PIKFYVE: variants seen among roughly 807,000 people sequenced by gnomAD.
The protein encoded by PIKFYVE is phosphoinositide kinase, FYVE-type zinc finger containing.
In PIKFYVE, 122 loss-of-function variants were observed where a neutral mutation model predicts 257.9. The observed-to-expected ratio is 0.47, with a 90% CI of 0.41 to 0.55. PIKFYVE has a LOEUF of 0.55. PIKFYVE is among the 20% of genes least tolerant of loss of function. The pLI is 0.00. For synonymous variants in PIKFYVE, 892 were observed against 868.9 expected, an observed-to-expected ratio of 1.03 and a Z score of -0.47; for missense variants, 2,160 against 2,536.6, an observed-to-expected ratio of 0.85 and a Z score of 3.19.
At position 208,326,184 on chromosome 2, in the gene PIKFYVE, A is replaced by G. The variant is rs963145126; in HGVS notation, c.3373A>G (p.Ile1125Val). ...GMNGSIQAKSIQVLPSHELVS... is the reference protein window; with the variant it reads ...GMNGSIQAKSVQVLPSHELVS... ...GAATGGAAGTATTCAGGCCAAGTCT[A>G]TTCAAGTCTTACCCTCACATGAGCT... is the stretch of plus-strand genomic sequence containing the variant. The change falls in exon 20 of 42, where the codon ATT (isoleucine) becomes GTT (valine). Residue 1125 changes from isoleucine to valine, a missense_variant. Physicochemically the swap from Ile to Val is conservative, Grantham distance 29 (BLOSUM62 3). Around this residue, in one of 12 missense-constraint regions of PIKFYVE, gnomAD observed 522 missense variants for 514.6 expected, o/e 1.01. Coordinates refer to ENST00000264380, the MANE Select transcript of PIKFYVE (RefSeq NM_015040.4). 10 of 1,610,936 alleles carry G rather than the reference A, an allele frequency of 6.2e-6. No individual in the cohort carries two copies. Among genetic ancestry groups the G allele is most frequent in the African/African-American group, 2.7e-5 (2 of 74,754 alleles).
intron 5 of PIKFYVE, among the ~76,000 whole-genome samples, chr2:208,279,224 T>C (rs1023237537): frequency 6.6e-6 from 1 of 152,208 alleles, no homozygotes; most frequent in Non-Finnish European, 1.5e-5. Context: ...TCTGTTCATG[T>C]CTTTTGCCCA....
chr2:208,346,469 C>A lies in PIKFYVE; in HGVS notation c.5209+322C>A, dbSNP rs532685690. Among the ~76,000 whole-genome samples, 20 of 152,156 alleles carry A rather than the reference C, an allele frequency of 1.3e-4. No individual in the cohort carries two copies. In the South Asian group the frequency reaches 1.5e-3, roughly 11 times the overall value. ...CTAAGATGCAAGATACGTTTTTTTCCTTTCTAGTTTTACAGTATTACTGGC... is the reference window on the plus strand; with the variant it reads ...CTAAGATGCAAGATACGTTTTTTTCATTTCTAGTTTTACAGTATTACTGGC... On this transcript the variant is annotated intron_variant, in intron 34 of 41. Coordinates refer to ENST00000264380, the MANE Select transcript of PIKFYVE (RefSeq NM_015040.4).
rs758500026 is a variant in PIKFYVE at position 208,304,968 on chromosome 2, C to A, written c.1591C>A (p.Pro531Thr). ...LDNVNFHIKK[P>T]SKYPHVPPHP... ...CAACGTGAACTTCCATATCAAGAAGCCCTCCAAGTACCCACATGTGCCCCC... is the reference window on the plus strand; with the variant it reads ...CAACGTGAACTTCCATATCAAGAAGACCTCCAAGTACCCACATGTGCCCCC... The change falls in exon 12 of 42, where the codon CCC becomes ACC. Residue 531 changes from proline (P) to threonine (T), a missense_variant. By Grantham distance (38) the Pro-to-Thr change is conservative. This residue lies in a region of PIKFYVE where 346 missense variants were observed against 365.6 expected (regional missense o/e 0.95). Coordinates refer to ENST00000264380, the MANE Select transcript of PIKFYVE (RefSeq NM_015040.4). 6.2e-7 allele frequency: 1 copy of A among 1,614,152 alleles called. No individual in the cohort carries two copies. The highest frequency in any genetic ancestry group is 1.1e-5 in the South Asian group (1 of 91,076).
chr2:208,324,188 G>A lies in PIKFYVE; in HGVS notation c.2237G>A (p.Arg746Gln), dbSNP rs1559126095. The change falls in exon 18 of 42, where the codon CGA becomes CAA. Residue 746 changes from arginine (R) to glutamine (Q), a missense_variant. By Grantham distance (43) the Arg-to-Gln change is conservative. Coordinates refer to ENST00000264380, the MANE Select transcript of PIKFYVE (RefSeq NM_015040.4). ...TATGTCCAGCGAATAGTTGATGTTC[G>A]ACCCACCTTGGTTCTTGTTGAGAAA... ...KNYVQRIVDV[R>Q]PTLVLVEKTV... is the part of the protein sequence containing the mutation. 2 of 1,613,774 alleles carry A rather than the reference G, an allele frequency of 1.2e-6. No homozygotes were observed. Among genetic ancestry groups the A allele is most frequent in the South Asian group, 2.2e-5 (2 of 91,074 alleles).
intron 12 of PIKFYVE, among the ~76,000 whole-genome samples, chr2:208,306,137 G>T (rs1193921173): frequency 6.6e-6 from 1 of 152,188 alleles, no homozygotes; most frequent in Non-Finnish European, 1.5e-5. Context: ...GTACTGAAGA[G>T]TTATAGTAAT....
intron 29 of PIKFYVE, among the ~76,000 whole-genome samples, chr2:208,339,102 A>G (rs904050308): frequency 3.3e-5 from 5 of 152,112 alleles, no homozygotes; most frequent in African/African-American, 1.2e-4. Context: ...GAGTGTCCTA[A>G]TTTCATTCTC....
chr2:208,285,557 A>C (rs1228000903), intron 5 of PIKFYVE, among the ~76,000 whole-genome samples, 169 bp from the exon 6 acceptor site: 1 of 152,202 alleles, frequency 6.6e-6, no homozygotes, highest in African/African-American at 2.4e-5. Context: ...AGAGCTAACA[A>C]AATTATTTCA....
Position 208,355,121 on chromosome 2 carries a change from T to C in PIKFYVE, c.6182-69T>C, listed in dbSNP as rs878916459. The C allele has an allele frequency of 1.6e-5, 19 of 1,155,680 alleles. No homozygotes were observed. The South Asian group carries it at 2.3e-4, about 14-fold the overall frequency. The allele number at this position is 1,155,680 out of a possible 1,614,324, so 71.6% of individuals were successfully genotyped here. Reference sequence around the variant, plus strand: ...TGGCAGTTTATATGAAAGAACATGGTCAGTTGACTTCAGTTGCCCAATCAA... The same window carrying C: ...TGGCAGTTTATATGAAAGAACATGGCCAGTTGACTTCAGTTGCCCAATCAA... On this transcript the variant is annotated intron_variant, in intron 41 of 41. Transcript: ENST00000264380.
chr2:208,266,693 C>T (rs932315563), intron 1 of PIKFYVE, among the ~76,000 whole-genome samples: 1 of 152,260 alleles, frequency 6.6e-6, no homozygotes, highest in African/African-American at 2.4e-5. Flanking sequence ...TCCTTTGCCT[C>T]TCTCTCGACC....
intron 7 of PIKFYVE, among the ~76,000 whole-genome samples, chr2:208,297,432 A>G (rs762839913): frequency 6.6e-6 from 1 of 152,186 alleles, no homozygotes; most frequent in South Asian, 2.1e-4. Context: ...CTGTTAACTG[A>G]CACTTTGCTA....
chr2:208,317,779 A>G, intron 15 of PIKFYVE, 88 bp from the exon 16 acceptor site: 1 of 1,301,514 alleles, frequency 7.7e-7, no homozygotes, highest in South Asian at 1.2e-5. Flanking sequence ...ATAGTTTAAA[A>G]AAAATGGAAA....
intron 5 of PIKFYVE, among the ~76,000 whole-genome samples, chr2:208,285,233 T>C (rs1434161472): frequency 1.3e-5 from 2 of 152,174 alleles, no homozygotes; most frequent in Non-Finnish European, 2.9e-5. Flanking sequence ...GTAGCTGGGA[T>C]TACAGGTATG....
intron 21 of PIKFYVE, among the ~76,000 whole-genome samples, chr2:208,329,298 G>A (rs1219559721): frequency 6.6e-6 from 1 of 152,172 alleles, no homozygotes; most frequent in Non-Finnish European, 1.5e-5. Context: ...GCTTCAGCAG[G>A]AAGACTTGGG....
intron 1 of PIKFYVE, among the ~76,000 whole-genome samples, chr2:208,267,163 C>T (rs1688745627): frequency 1.3e-5 from 2 of 152,200 alleles, no homozygotes; most frequent in South Asian, 4.1e-4. Context: ...GCAGTGCATC[C>T]TGTGTTGTAA....
intron 6 of PIKFYVE, among the ~76,000 whole-genome samples, chr2:208,287,897 T>C (rs747028920): frequency 6.6e-6 from 1 of 152,120 alleles, no homozygotes; most frequent in South Asian, 2.1e-4. Context: ...CCCAGCCTTT[T>C]CTTACATTGC....
rs760330562 is a variant in PIKFYVE at position 208,324,217 on chromosome 2, G to A, written c.2266G>A (p.Val756Met). Reference protein sequence around the residue: ...RPTLVLVEKTVSRIAQDMLLE... With the variant: ...RPTLVLVEKTMSRIAQDMLLE... ...CACCTTGGTTCTTGTTGAGAAAACAGTGTCTCGGATTGCCCAGGACATGTT... is the reference window on the plus strand; with the variant it reads ...CACCTTGGTTCTTGTTGAGAAAACAATGTCTCGGATTGCCCAGGACATGTT... The change falls in exon 18 of 42, where the codon GTG (valine) becomes ATG (methionine). Residue 756 changes from valine to methionine, a missense_variant. Val to Met is a conservative substitution (Grantham distance 21). Coordinates refer to ENST00000264380, the MANE Select transcript of PIKFYVE (RefSeq NM_015040.4). 3.1e-6 allele frequency: 5 copies of A among 1,613,982 alleles called. No homozygotes were observed. Among genetic ancestry groups the A allele is most frequent in the Non-Finnish European group, 2.5e-6 (3 of 1,179,874 alleles).
chr2:208,355,069 C>T, intron 41 of PIKFYVE, 121 bp from the exon 42 acceptor site: 1 of 788,744 alleles, frequency 1.3e-6, no homozygotes, highest in Non-Finnish European at 2.2e-6. Flanking sequence ...CCTGCCCACT[C>T]AGACTGCTTC....
chr2:208,304,181 T>A lies in PIKFYVE; in HGVS notation c.1331T>A (p.Phe444Tyr). 2 of 1,614,108 alleles carry A rather than the reference T, an allele frequency of 1.2e-6. No homozygotes were observed. Among genetic ancestry groups the A allele is most frequent in the East Asian group, 4.5e-5 (2 of 44,872 alleles). ...ALYRPLQSTE[F>Y]SETPSPDSDS... Reference sequence around the variant, plus strand: ...TCTTCATCCTTTCAGAGTACAGAATTTTCTGAGACGCCTTCTCCCGACAGT... The same window carrying A: ...TCTTCATCCTTTCAGAGTACAGAATATTCTGAGACGCCTTCTCCCGACAGT... Residue 444 changes from phenylalanine (F) to tyrosine (Y), a missense_variant, in exon 11 of 42, where the codon TTT becomes TAT. Phe to Tyr is a conservative substitution (Grantham distance 22, BLOSUM62 3). Coordinates refer to ENST00000264380, the MANE Select transcript of PIKFYVE (RefSeq NM_015040.4).
rs748235174 is a variant in PIKFYVE at position 208,326,322 on chromosome 2, G to A, written c.3511G>A (p.Ala1171Thr). Residue 1171 changes from alanine to threonine, a missense_variant, in exon 20 of 42, where the codon GCT becomes ACT. Ala to Thr is a moderately conservative substitution (Grantham distance 58). Around this residue, in one of 12 missense-constraint regions of PIKFYVE, gnomAD observed 522 missense variants for 514.6 expected, o/e 1.01. Coordinates refer to ENST00000264380, the MANE Select transcript of PIKFYVE (RefSeq NM_015040.4). ...RIQPKNSDPF[A>T]HSKDASSTSS... ...TCAGCCCAAAAATTCAGACCCTTTT[G>A]CTCATTCAAAGGATGCATCAAGTAC... The A allele has an allele frequency of 1.1e-5, 18 of 1,611,566 alleles. No individual in the cohort carries two copies. The highest frequency in any genetic ancestry group is 1.5e-5 in the Non-Finnish European group (18 of 1,178,982).
Sources: gnomAD v4.1 joint callset for allele counts (sites outside exome capture counted in the v4.1 genomes callset) on GRCh38, gnomAD v4.1.1 for gene constraint, gnomAD v4.1.1 regional missense constraint, MANE v1.5 for transcripts, NCBI Gene and HGNC (gene_info 2026-07-23, HGNC 2026-07-21) for gene names.